The following DCC variants were observed in gnomAD, a reference collection of about 807,000 sequenced individuals.
DCC encodes the protein DCC netrin 1 receptor.
DCC carries 58 observed loss-of-function variants against 172.5 expected under a neutral mutation model. The ratio of observed to expected loss-of-function variants is 0.34; its 90% CI spans 0.27 to 0.42. DCC has a LOEUF of 0.42. Ranked by LOEUF, DCC falls within the 10% of genes least tolerant of loss-of-function variation. The probability of loss-of-function intolerance (pLI) is 1.00; values close to 1 mark genes in which losing one functional copy is unlikely to be tolerated. For missense variants in DCC, 1,740 were observed against 1,791.0 expected (o/e 0.97, Z 0.51); for synonymous variants, 709 against 644.5 (o/e 1.10, Z -1.52).
Position 53,411,428 on chromosome 18 carries a change from T to C in DCC, c.3130+782T>C, listed in dbSNP as rs569094544. Among the ~76,000 whole-genome samples the C allele has an allele frequency of 5.9e-5, 9 of 152,306 alleles. No homozygotes were observed. The South Asian group carries it at 1.9e-3, about 32-fold the overall frequency. On this transcript the variant is annotated intron_variant, in intron 20 of 28. Transcript: ENST00000442544. ...ATTTAAGGCATGATATGTGTTGTTC[T>C]AAAGAAGGATAACTTAGCTCTTAAA...
chr18:52,583,284 T>A (rs74635281), intron 1 of DCC, among the ~76,000 whole-genome samples: 3,058 of 152,268 alleles, frequency 0.02, 109 homozygotes, highest in East Asian at 0.095. Context: ...AGAGAAGTAT[T>A]TCATTTCAAC....
At chr18:53,364,202 A>G (rs965957907) in intron 15 of DCC, among the ~76,000 whole-genome samples, 3 of 152,178 alleles carry the variant, frequency 2.0e-5, no homozygotes, top group Non-Finnish European at 4.4e-5. Flanking sequence ...TCATTGACAC[A>G]TAATAGACTC....
At chr18:52,389,995 A>T (rs1182370209) in intron 1 of DCC, among the ~76,000 whole-genome samples, 7 of 152,018 alleles carry the variant, frequency 4.6e-5, no homozygotes, top group African/African-American at 1.4e-4. Context: ...AGAGACTGAG[A>T]CTTACATTAC....
intron 7 of DCC, among the ~76,000 whole-genome samples, chr18:53,091,653 A>G (rs1325844383): frequency 6.6e-6 from 1 of 151,564 alleles, no homozygotes; most frequent in Non-Finnish European, 1.5e-5. Context: ...TCTCTTTTAT[A>G]AGAGCACAAA....
intron 12 of DCC, among the ~76,000 whole-genome samples, chr18:53,262,216 C>A (rs1598960426): frequency 6.6e-6 from 1 of 152,316 alleles, no homozygotes; most frequent in East Asian, 1.9e-4. Context: ...CTCTATCCTT[C>A]TGAGGCTATA....
chr18:52,941,336 A>G (rs1467843373), intron 5 of DCC, among the ~76,000 whole-genome samples: 1 of 152,152 alleles, frequency 6.6e-6, no homozygotes, highest in Non-Finnish European at 1.5e-5. Flanking sequence ...GGGAAGCTGT[A>G]GATTATTATG....
At chr18:52,921,199 T>C (rs1257203597) in intron 3 of DCC, among the ~76,000 whole-genome samples, 1 of 152,166 alleles carries the variant, frequency 6.6e-6, no homozygotes, top group Admixed American at 6.6e-5. Flanking sequence ...TGTATCAATA[T>C]TGGTTCATGA....
At chr18:52,712,761 C>G (rs940446230) in intron 1 of DCC, among the ~76,000 whole-genome samples, 1 of 152,204 alleles carries the variant, frequency 6.6e-6, no homozygotes, top group Non-Finnish European at 1.5e-5. Context: ...ATACACCAAT[C>G]GATATCCTAA....
intron 1 of DCC, among the ~76,000 whole-genome samples, chr18:52,507,791 G>A (rs2031285608): frequency 6.6e-6 from 1 of 151,940 alleles, no homozygotes; most frequent in African/African-American, 2.4e-5. Flanking sequence ...GTTTCCCTCT[G>A]CTATTAGAAA....
chr18:52,842,175 TTTC>T (rs2038818131), intron 2 of DCC, among the ~76,000 whole-genome samples: 1 of 152,128 alleles, frequency 6.6e-6, no homozygotes. Context: ...TCAAACATAA[TTTC>T]TTGTTTTTCC....
At chr18:52,752,914 A>G (rs2037019559) in intron 2 of DCC, among the ~76,000 whole-genome samples, 1 of 152,092 alleles carries the variant, frequency 6.6e-6, no homozygotes, top group Non-Finnish European at 1.5e-5. Flanking sequence ...CATCTATGTT[A>G]TCACAAATAA....
chr18:52,734,728 A>T (rs1310400762), intron 1 of DCC, among the ~76,000 whole-genome samples: 1 of 152,148 alleles, frequency 6.6e-6, no homozygotes, highest in Non-Finnish European at 1.5e-5. Flanking sequence ...AAGTATGTTA[A>T]AGATGGAAAG....
intron 1 of DCC, among the ~76,000 whole-genome samples, chr18:52,692,708 C>T (rs1432817745): frequency 1.3e-5 from 2 of 152,058 alleles, no homozygotes; most frequent in Non-Finnish European, 2.9e-5. Context: ...TTGGGATTAG[C>T]AGCGTGAGCC....
intron 21 of DCC, among the ~76,000 whole-genome samples, chr18:53,423,285 C>T (rs1405631780): frequency 6.6e-6 from 1 of 152,098 alleles, no homozygotes; most frequent in African/African-American, 2.4e-5. Flanking sequence ...GCCAAGTACA[C>T]GGTCTTCCTA....
At chr18:53,431,456 T>C (rs1209766090) in intron 21 of DCC, among the ~76,000 whole-genome samples, 2 of 139,824 alleles carry the variant, frequency 1.4e-5, no homozygotes. Flanking sequence ...TATATTCATA[T>C]AGTACACTTT....
chr18:52,349,840 A>G (rs146140782), intron 1 of DCC, among the ~76,000 whole-genome samples: 3 of 152,278 alleles, frequency 2.0e-5, no homozygotes, highest in Non-Finnish European at 4.4e-5. Context: ...CCAGAAGCTT[A>G]ATCATGTTTA....
chr18:52,762,264 G>A (rs546310408), intron 2 of DCC, among the ~76,000 whole-genome samples: 1 of 152,044 alleles, frequency 6.6e-6, no homozygotes, highest in East Asian at 1.9e-4. Context: ...CTTGAGCCCA[G>A]GAATTCAAGA....
chr18:53,359,555 T>C (rs972994661), intron 15 of DCC, among the ~76,000 whole-genome samples: 1 of 152,196 alleles, frequency 6.6e-6, no homozygotes, highest in South Asian at 2.1e-4. Context: ...CTTTCTAAGA[T>C]GCAGTTTATT....
intron 14 of DCC, among the ~76,000 whole-genome samples, chr18:53,332,208 T>C (rs2057536303): frequency 6.6e-6 from 1 of 152,214 alleles, no homozygotes; most frequent in South Asian, 2.1e-4. Flanking sequence ...TTAAGAGTGT[T>C]GGCTAGGTAT....
Sources: gnomAD v4.1 joint callset for allele counts (sites outside exome capture counted in the v4.1 genomes callset) on GRCh38, gnomAD v4.1.1 for gene constraint, MANE v1.5 for transcripts, NCBI Gene and HGNC (gene_info 2026-07-23, HGNC 2026-07-21) for gene names.